The following MYOF variants were observed in gnomAD, a reference collection of about 807,000 sequenced individuals.
MYOF encodes the protein fer-1-like 3, myoferlin.
Under a neutral mutation model 284.2 loss-of-function variants are expected in MYOF, and 244 were observed. That is an observed-to-expected ratio of 0.86 (90% CI 0.77 to 0.95). The LOEUF (loss-of-function observed/expected upper bound fraction) is 0.95, where lower values mean the gene tolerates loss of function less well. Among genes scored for constraint, MYOF ranks in the 40% least tolerant of loss-of-function variants. MYOF has a pLI of 0.00. For synonymous variants in MYOF, 904 were observed against 919.7 expected (o/e 0.98, Z 0.31); for missense variants, 2,496 against 2,560.6 (o/e 0.97, Z 0.54).
chr10:93,312,140 C>T (rs1430500099), intron 51 of MYOF, among the ~76,000 whole-genome samples: 1 of 152,192 alleles, frequency 6.6e-6, no homozygotes, highest in African/African-American at 2.4e-5. Flanking sequence ...ACTTGGCATG[C>T]TGCCTGGTTC....
chr10:93,481,060 A>C (rs1415238208), intron 1 of MYOF, among the ~76,000 whole-genome samples: 1 of 152,144 alleles, frequency 6.6e-6, no homozygotes, highest in African/African-American at 2.4e-5. Context: ...GACAAACAAA[A>C]TAGATAAAGC....
In MYOF at chr10:93,333,867, G is replaced by T. The variant is rs751325238; in HGVS notation, c.4610C>A (p.Ala1537Asp). 2 of 1,614,064 alleles carry T rather than the reference G, an allele frequency of 1.2e-6. No homozygotes were observed. The highest frequency in any genetic ancestry group is 1.1e-5 in the South Asian group (1 of 91,064). Reference protein sequence around the residue: ...YPLPDDPSVPAPPRQFRELPD... With the variant: ...YPLPDDPSVPDPPRQFRELPD... Reference sequence around the variant, plus strand: ...TAATTCCCGAAACTGTCTGGGAGGGGCTGGCACGCTGGGGTCATCCGGCAG... The same window carrying T: ...TAATTCCCGAAACTGTCTGGGAGGGTCTGGCACGCTGGGGTCATCCGGCAG... The change falls in exon 42 of 54, where the codon GCC becomes GAC. Residue 1537 changes from alanine to aspartate, a missense_variant. By Grantham distance (126) the Ala-to-Asp change is moderately radical. This residue lies in a region of MYOF where 2,436 missense variants were observed against 2,480.7 expected (regional missense o/e 0.98). Transcript: ENST00000359263.
In MYOF at chr10:93,408,650, G is replaced by A. The variant is rs78696623; in HGVS notation, c.729+137C>T. 4.9e-3 allele frequency: 5,804 copies of A among 1,179,600 alleles called. 201 individuals carry two copies. In the African/African-American group the frequency reaches 0.073, roughly 15 times the overall value. 73.1% of individuals were successfully genotyped at this position (1,179,600 alleles called of 1,614,324 possible). ...GGCTTTTTCCAAGACCCTGCCATGC[G>A]TTCACATGGTCACACCTAGTTTTGT... is the stretch of plus-strand genomic sequence containing the variant. On this transcript the variant is annotated intron_variant, in intron 7 of 53. Coordinates refer to ENST00000359263, the MANE Select transcript of MYOF (RefSeq NM_013451.4).
chr10:93,377,701 T>G (rs1845897801), intron 21 of MYOF, among the ~76,000 whole-genome samples: 1 of 151,752 alleles, frequency 6.6e-6, no homozygotes, highest in African/African-American at 2.4e-5. Flanking sequence ...TACACTTTGT[T>G]AAAAGGCAGA....
chr10:93,371,521 T>G (rs1468743789), intron 24 of MYOF, among the ~76,000 whole-genome samples: 6 of 152,226 alleles, frequency 3.9e-5, no homozygotes, highest in Non-Finnish European at 8.8e-5. Context: ...TCACTCTGCT[T>G]TCTGATTTTT....
At chr10:93,366,024 C>T (rs7097861) in intron 26 of MYOF, among the ~76,000 whole-genome samples, 40,372 of 139,440 alleles carry the variant, frequency 0.29, 6,837 homozygotes, top group East Asian at 0.89. Flanking sequence ...AGTCATGTGT[C>T]GGCATCTGTG....
rs774246060 is a variant in MYOF, at chr10:93,351,782, C to T, written c.3546G>A (p.Leu1182=). ...SKTTEIIHST[L]NPTWDQTIIF... is the part of the protein sequence containing the mutation. ...TAATTGTTTGGTCCCACGTGGGATT[C>T]AGGGTTGAATGGATGATCTCAGTGG... is the stretch of plus-strand genomic sequence containing the variant. The change falls in exon 33 of 54, where the codon CTG becomes CTA. Residue 1182 remains leucine, a synonymous_variant. Coordinates refer to ENST00000359263, the MANE Select transcript of MYOF (RefSeq NM_013451.4). 5 of 1,600,912 alleles carry T rather than the reference C, an allele frequency of 3.1e-6. No individual in the cohort carries two copies. The highest frequency in any genetic ancestry group is 1.8e-5 in the Admixed American group (1 of 55,456).
At position 93,310,598 on chromosome 10, in the gene MYOF, C is replaced by CGGCCTCCTTCTCGTT; in HGVS notation, c.5920_5934dup (p.Asn1974_Ala1978dup). ...CGCCCCTTCCCGGCTGGCCTCTCGT[C>CGGCCTCCTTCTCGTT]GGCCTCCTTCTCGTTGAGGATTTCC... On this transcript the variant is annotated inframe_insertion, in exon 52 of 54. Transcript: ENST00000359263. The CGGCCTCCTTCTCGTT allele has an allele frequency of 6.2e-7, 1 of 1,614,182 alleles. No homozygotes were observed. The highest frequency in any genetic ancestry group is 8.5e-7 in the Non-Finnish European group (1 of 1,180,044).
chr10:93,410,512 G>C (rs906213973), intron 5 of MYOF, among the ~76,000 whole-genome samples: 2 of 152,004 alleles, frequency 1.3e-5, no homozygotes, highest in African/African-American at 4.8e-5. Context: ...TACCTCTGGG[G>C]GTTCCGTCTC....
Position 93,361,560 on chromosome 10 carries a change from T to A in MYOF, c.2869-3A>T. ...GGTGATGCTGCTTTATCGCCGTTCT[T>A]ACAAAACAAAAATAAAAACAAAGAA... On this transcript the variant is annotated splice_polypyrimidine_tract_variant and splice_region_variant and intron_variant, in intron 27 of 53. Coordinates refer to ENST00000359263, the MANE Select transcript of MYOF (RefSeq NM_013451.4). 1 of 1,614,090 alleles carries A rather than the reference T, an allele frequency of 6.2e-7. No homozygotes were observed. Among genetic ancestry groups the A allele is most frequent in the South Asian group, 1.1e-5 (1 of 91,066 alleles).
At chr10:93,330,749 C>A (rs1843260062) in intron 43 of MYOF, among the ~76,000 whole-genome samples, 1 of 152,196 alleles carries the variant, frequency 6.6e-6, no homozygotes, top group Admixed American at 6.5e-5. Context: ...GAAGGAGAAG[C>A]TGTGAGAGGC....
intron 29 of MYOF, among the ~76,000 whole-genome samples, chr10:93,358,537 A>G (rs1041609183): frequency 6.6e-6 from 1 of 152,234 alleles, no homozygotes; most frequent in African/African-American, 2.4e-5. Flanking sequence ...TAGCAAAGAC[A>G]TGGAATCAGC....
At chr10:93,378,785 T>C (rs959859933) in intron 21 of MYOF, among the ~76,000 whole-genome samples, 3 of 150,098 alleles carry the variant, frequency 2.0e-5, no homozygotes, top group African/African-American at 4.9e-5. Context: ...CCATCTTGGC[T>C]CACTGCAACC....
chr10:93,353,884 G>A lies in MYOF; in HGVS notation c.3408C>T (p.Val1136=), dbSNP rs756700140. ...CATAGCAGCGCAGATGGTAGATGTAGACTCCTAAAAAAACAGGATAAAGAT... is the reference window on the plus strand; with the variant it reads ...CATAGCAGCGCAGATGGTAGATGTAAACTCCTAAAAAAACAGGATAAAGAT... ...TPIVSCNFDR[V]YIYHLRCYVY... The change falls in exon 32 of 54, where the codon GTC becomes GTT. Residue 1136 remains valine, a synonymous_variant. Transcript: ENST00000359263. 9 of 1,603,584 alleles carry A rather than the reference G, an allele frequency of 5.6e-6. No homozygotes were observed.
intron 48 of MYOF, among the ~76,000 whole-genome samples, chr10:93,322,360 T>G (rs1425133819): frequency 2.6e-5 from 4 of 152,202 alleles, no homozygotes; most frequent in Non-Finnish European, 5.9e-5. Context: ...TGAATATCCC[T>G]GGGAAGGAAG....
intron 5 of MYOF, among the ~76,000 whole-genome samples, chr10:93,421,738 C>A (rs1009946736): frequency 1.3e-5 from 2 of 152,144 alleles, no homozygotes; most frequent in Non-Finnish European, 2.9e-5. Flanking sequence ...CTTCTTGAAG[C>A]GCTCACCAGA....
chr10:93,354,666 A>ACTCTCT (rs140255016), intron 31 of MYOF, among the ~76,000 whole-genome samples: 8,047 of 119,178 alleles, frequency 0.068, 302 homozygotes, highest in Middle Eastern at 0.1. Flanking sequence ...TCACACATTC[A>ACTCTCT]CTCTCTCTCT....
intron 3 of MYOF, among the ~76,000 whole-genome samples, chr10:93,436,672 C>A (rs966351129): frequency 6.6e-6 from 1 of 152,154 alleles, no homozygotes; most frequent in South Asian, 2.1e-4. Context: ...CCAGAGCACT[C>A]CTGGCTGGGC....
chr10:93,417,485 A>G (rs916308245), intron 5 of MYOF, among the ~76,000 whole-genome samples: 8 of 152,012 alleles, frequency 5.3e-5, no homozygotes, highest in Admixed American at 3.9e-4. Flanking sequence ...GCCCTAGAGG[A>G]CCTCGTGATA....
Sources: gnomAD v4.1 joint callset for allele counts (sites outside exome capture counted in the v4.1 genomes callset) on GRCh38, gnomAD v4.1.1 for gene constraint, gnomAD v4.1.1 regional missense constraint, MANE v1.5 for transcripts, NCBI Gene and HGNC (gene_info 2026-07-23, HGNC 2026-07-21) for gene names.